The following CACNB4 variants were observed in gnomAD, a reference collection of about 807,000 sequenced individuals.
CACNB4 encodes the protein calcium voltage-gated channel auxiliary subunit beta 4.
CACNB4 carries 32 observed loss-of-function variants against 71.2 expected under a neutral mutation model. The observed-to-expected ratio is 0.45, with a 90% CI of 0.34 to 0.60. The LOEUF is 0.60. Ranked by LOEUF, CACNB4 falls within the 20% of genes least tolerant of loss-of-function variation. The pLI, the probability that CACNB4 is intolerant of heterozygous loss-of-function variation, is 0.01. For synonymous variants in CACNB4, 231 were observed against 236.9 expected (o/e 0.97, Z 0.23); for missense variants, 464 against 647.9 (o/e 0.72, Z 3.08).
intron 2 of CACNB4, among the ~76,000 whole-genome samples, chr2:151,960,856 C>G (rs569987805): frequency 6.6e-6 from 1 of 152,274 alleles, no homozygotes; most frequent in South Asian, 2.1e-4. Context: ...AAAGACACTC[C>G]CAAAATTTCT....
At chr2:151,841,668 C>T (rs1559847558) in intron 13 of CACNB4, 1 of 457,154 alleles carries the variant, frequency 2.2e-6, no homozygotes, top group South Asian at 3.1e-5. Context: ...GTTAATTTAC[C>T]TAAGTAAAAT....
At chr2:152,062,359 T>C (rs530093711) in intron 2 of CACNB4, among the ~76,000 whole-genome samples, 1 of 152,134 alleles carries the variant, frequency 6.6e-6, no homozygotes, top group Admixed American at 6.5e-5. Flanking sequence ...CGCCATTGAG[T>C]TGAGACCAAC....
chr2:152,044,933 A>G (rs1685074265), intron 2 of CACNB4, among the ~76,000 whole-genome samples: 1 of 152,156 alleles, frequency 6.6e-6, no homozygotes, highest in Non-Finnish European at 1.5e-5. Context: ...ACTGAATTGA[A>G]GCAGGGGAAA....
At chr2:151,851,818 A>T (rs1402180541) in intron 12 of CACNB4, 1 of 152,234 alleles carries the variant, frequency 6.6e-6, no homozygotes, top group Non-Finnish European at 1.5e-5. Context: ...TTGTTCCAAA[A>T]ATTGGAAATA....
chr2:151,950,118 A>G (rs973850117), intron 2 of CACNB4, among the ~76,000 whole-genome samples: 1 of 152,168 alleles, frequency 6.6e-6, no homozygotes, highest in Non-Finnish European at 1.5e-5. Context: ...GAAGGACTGG[A>G]AAGAAAGGGA....
rs1008155965 is a variant in CACNB4 at position 151,836,245 on chromosome 2, A to T, written c.*2874T>A. On this transcript the variant is annotated 3_prime_UTR_variant, in exon 14 of 14. Coordinates refer to ENST00000539935, the MANE Select transcript of CACNB4 (RefSeq NM_000726.5). ...TACAGAATTCTAGTATGTGGCTTAT[A>T]CTGTAAGTTAAAACAGCCTCAAAAC... The T allele has an allele frequency of 2.6e-5, 4 of 151,868 alleles. No homozygotes were observed. The highest frequency in any genetic ancestry group is 6.6e-5 in the Admixed American group (1 of 15,244). The allele number at this position is 151,868 out of a possible 1,614,324, so 9.4% of individuals were successfully genotyped here. A position where few individuals can be genotyped will look rare whatever the true frequency, so the allele number is the denominator to read the frequency against.
intron 2 of CACNB4, among the ~76,000 whole-genome samples, chr2:151,963,950 T>C (rs1326219037): frequency 6.6e-6 from 1 of 151,142 alleles, no homozygotes; most frequent in Non-Finnish European, 1.5e-5. Context: ...ACACCTGTAA[T>C]CCCAGCTACT....
chr2:151,842,764 G>A (rs1361276384), intron 12 of CACNB4, among the ~76,000 whole-genome samples: 1 of 152,158 alleles, frequency 6.6e-6, no homozygotes, highest in Non-Finnish European at 1.5e-5. Context: ...ACACACTTTG[G>A]AATATGAGAG....
chr2:151,943,780 G>C (rs1191989128), intron 2 of CACNB4, among the ~76,000 whole-genome samples: 1 of 152,166 alleles, frequency 6.6e-6, no homozygotes, highest in African/African-American at 2.4e-5. Flanking sequence ...ATCATTTGGA[G>C]AAGACAACAC....
chr2:152,075,439 G>C (rs1686956511), intron 2 of CACNB4, among the ~76,000 whole-genome samples: 1 of 152,234 alleles, frequency 6.6e-6, no homozygotes, highest in Admixed American at 6.5e-5. Flanking sequence ...CTGCCCAGGA[G>C]TGTCAGATGA....
intron 2 of CACNB4, among the ~76,000 whole-genome samples, chr2:151,915,271 G>C (rs1033434014): frequency 6.6e-6 from 1 of 152,202 alleles, no homozygotes; most frequent in Non-Finnish European, 1.5e-5. Context: ...TAACACAGCC[G>C]GTCTGTTGGG....
At chr2:152,078,824 C>T (rs1253094016) in intron 2 of CACNB4, among the ~76,000 whole-genome samples, 1 of 152,140 alleles carries the variant, frequency 6.6e-6, no homozygotes, top group Non-Finnish European at 1.5e-5. Flanking sequence ...GCTGAACTGC[C>T]CACCTTCTTG....
At chr2:152,042,881 C>T (rs7582644) in intron 2 of CACNB4, among the ~76,000 whole-genome samples, 62,310 of 151,804 alleles carry the variant, frequency 0.41, 15,634 homozygotes, top group Non-Finnish European at 0.57. Flanking sequence ...GATAAAACAG[C>T]ATGCAGTAAC....
At chr2:152,002,579 T>A (rs1682488631) in intron 2 of CACNB4, among the ~76,000 whole-genome samples, 1 of 152,266 alleles carries the variant, frequency 6.6e-6, no homozygotes, top group South Asian at 2.1e-4. Context: ...TCCAACTAAC[T>A]AATTGTTGCC....
chr2:152,062,027 A>T lies in CACNB4; in HGVS notation c.147+36303T>A, dbSNP rs188198005. 9.6e-4 allele frequency among the ~76,000 whole-genome samples: 142 copies of T among 148,140 alleles called. 2 individuals carry two copies. In the East Asian group the frequency reaches 0.025, roughly 26 times the overall value. On this transcript the variant is annotated intron_variant, in intron 2 of 13. Transcript: ENST00000539935. The stretch of plus-strand genomic sequence containing the variant: ...ATTCCATCTCAAAATAATAATAATA[A>T]TAATAATAATAATAATAATAATGAT...
At chr2:151,999,587 T>C (rs1560120757) in intron 2 of CACNB4, among the ~76,000 whole-genome samples, 1 of 152,158 alleles carries the variant, frequency 6.6e-6, no homozygotes, top group Non-Finnish European at 1.5e-5. Context: ...TGCAGTTTCT[T>C]AAAGCCCCTT....
chr2:151,899,700 A>G (rs1169616342), intron 2 of CACNB4, among the ~76,000 whole-genome samples: 3 of 152,132 alleles, frequency 2.0e-5, no homozygotes, highest in Non-Finnish European at 4.4e-5. Context: ...GGGTAAGTGG[A>G]CTTCCATATA....
chr2:151,843,121 A>T (rs2099836648), intron 12 of CACNB4, among the ~76,000 whole-genome samples: 1 of 152,214 alleles, frequency 6.6e-6, no homozygotes, highest in African/African-American at 2.4e-5. Context: ...GCCATTGTTC[A>T]ACATCTGGTC....
chr2:152,050,724 A>T (rs926290983), intron 2 of CACNB4, among the ~76,000 whole-genome samples: 6 of 151,152 alleles, frequency 4.0e-5, no homozygotes, highest in South Asian at 4.2e-4. Context: ...TCTAAAAAAA[A>T]TTTTTTTTTA....
Sources: gnomAD v4.1 joint callset for allele counts (sites outside exome capture counted in the v4.1 genomes callset) on GRCh38, gnomAD v4.1.1 for gene constraint, MANE v1.5 for transcripts, NCBI Gene and HGNC (gene_info 2026-07-23, HGNC 2026-07-21) for gene names.